SIGLEC1: variants seen among roughly 807,000 people sequenced by gnomAD.
SIGLEC1 encodes the protein sialic acid binding Ig like lectin 1.
SIGLEC1 carries 132 observed loss-of-function variants against 148.0 expected under a neutral mutation model. That is an observed-to-expected ratio of 0.89 (90% CI 0.77 to 1.03). The LOEUF (loss-of-function observed/expected upper bound fraction) is 1.03, where lower values mean the gene tolerates loss of function less well. Among genes scored for constraint, SIGLEC1 ranks in the 50% least tolerant of loss-of-function variants. The pLI, the probability that SIGLEC1 is intolerant of heterozygous loss-of-function variation, is 0.00. For synonymous variants in SIGLEC1, 945 were observed against 969.0 expected (o/e 0.98, Z 0.46); for missense variants, 2,253 against 2,271.4 (o/e 0.99, Z 0.16).
chr20:3,694,661 A>T lies in SIGLEC1; in HGVS notation c.2944+2T>A, dbSNP rs774878444. The stretch of plus-strand genomic sequence containing the variant: ...ACACCTGGATGGGACAAAAGTCCTT[A>T]CAGGACACGTGGAGGCTGATGGGTG... On this transcript the variant is annotated splice_donor_variant, in intron 12 of 21. Coordinates refer to ENST00000344754, the MANE Select transcript of SIGLEC1 (RefSeq NM_023068.4). LOFTEE classifies it high-confidence loss of function. 11 of 1,610,090 alleles carry T rather than the reference A, an allele frequency of 6.8e-6. No homozygotes were observed. Among genetic ancestry groups the T allele is most frequent in the Non-Finnish European group, 8.5e-6 (10 of 1,177,556 alleles).
chr20:3,697,730 T>C lies in SIGLEC1; in HGVS notation c.2122+68A>G. 9 of 1,465,210 alleles carry C rather than the reference T, an allele frequency of 6.1e-6. No individual in the cohort carries two copies. The East Asian group carries it at 1.8e-4, about 30-fold the overall frequency. 90.8% of individuals were successfully genotyped at this position (1,465,210 alleles called of 1,614,324 possible). A position where few individuals can be genotyped will look rare whatever the true frequency, so the allele number is the denominator to read the frequency against. On this transcript the variant is annotated intron_variant, in intron 9 of 21. Transcript: ENST00000344754. ...AGAGTGGTTTTGCCTGATTAGATCC[T>C]CCTCGGAGCAGAACAGTCCAGAGCT...
At chr20:3,699,149 TG>T in intron 8 of SIGLEC1, 52 bp downstream of exon 8, 1 of 1,583,074 alleles carries the variant, frequency 6.3e-7, no homozygotes, top group Non-Finnish European at 8.6e-7. Context: ...CTAGAGGAGG[TG>T]GGGTGGCTGG....
chr20:3,697,716 G>T, intron 9 of SIGLEC1, 82 bp downstream of exon 9: 1 of 1,342,408 alleles, frequency 7.4e-7, no homozygotes, highest in Non-Finnish European at 1.0e-6. Flanking sequence ...GAGTGGTTTT[G>T]CCTGATTAGA....
chr20:3,703,704 C>A, intron 5 of SIGLEC1, 121 bp downstream of exon 5: 1 of 1,343,606 alleles, frequency 7.4e-7, no homozygotes, highest in Non-Finnish European at 1.0e-6. Flanking sequence ...TCCACACCTG[C>A]ATCCAGGAAG....
In SIGLEC1 at chr20:3,699,313, T is replaced by A. The variant is rs2087830594; in HGVS notation, c.1675A>T (p.Ser559Cys). Reference sequence around the variant, plus strand: ...CTGGAGGCCGCGGGGAGCAGGAGGCTGCTGCCGGGACCCTCGTGAAGCAGG... The same window carrying A: ...CTGGAGGCCGCGGGGAGCAGGAGGCAGCTGCCGGGACCCTCGTGAAGCAGG... ...GALLHEGPGS[S>C]LLLPAASSTD... Residue 559 changes from serine (S) to cysteine (C), a missense_variant, in exon 8 of 22, where the codon AGC becomes TGC. Coordinates refer to ENST00000344754, the MANE Select transcript of SIGLEC1 (RefSeq NM_023068.4). The A allele has an allele frequency of 5.0e-6, 8 of 1,608,870 alleles. No individual in the cohort carries two copies. Among genetic ancestry groups the A allele is most frequent in the Non-Finnish European group, 6.8e-6 (8 of 1,178,482 alleles).
At chr20:3,691,660 T>G in intron 17 of SIGLEC1, 60 bp from the exon 18 acceptor site, 1 of 1,575,036 alleles carries the variant, frequency 6.3e-7, no homozygotes, top group African/African-American at 1.3e-5. Flanking sequence ...CTGGAGCCTC[T>G]GGGTGGGACC....
In SIGLEC1 at chr20:3,692,182, G is replaced by T; in HGVS notation, c.4051C>A (p.Leu1351Met). ...QVLYAPQDAV[L>M]SSFRDSRARS... is the part of the protein sequence containing the mutation. ...GCCCTGGAGTCCCGGAAGGAGGACA[G>T]GACAGCGTCCTGAGGGGCATCTGTG... Residue 1351 changes from leucine to methionine, a missense_variant, in exon 17 of 22, where the codon CTG becomes ATG. Coordinates refer to ENST00000344754, the MANE Select transcript of SIGLEC1 (RefSeq NM_023068.4). 6.4e-7 allele frequency: 1 copy of T among 1,566,574 alleles called. No individual in the cohort carries two copies.
chr20:3,700,596 G>GAA (rs1316974957), intron 7 of SIGLEC1, among the ~76,000 whole-genome samples: 1 of 151,718 alleles, frequency 6.6e-6, no homozygotes, highest in Admixed American at 6.6e-5. Flanking sequence ...AAAACAAAAA[G>GAA]AAAAACCTGG....
chr20:3,699,626 G>A (rs1316926846), intron 7 of SIGLEC1, among the ~76,000 whole-genome samples, 167 bp from the exon 8 acceptor site: 1 of 152,126 alleles, frequency 6.6e-6, no homozygotes, highest in Non-Finnish European at 1.5e-5. Flanking sequence ...AGATCTATTG[G>A]TAGTAGATGG....
chr20:3,705,996 C>G lies in SIGLEC1; in HGVS notation c.454G>C (p.Glu152Gln), dbSNP rs144297916. 2 of 1,613,840 alleles carry G rather than the reference C, an allele frequency of 1.2e-6. No individual in the cohort carries two copies. The highest frequency in any genetic ancestry group is 1.3e-5 in the African/African-American group (1 of 75,056). ...PTIASPVELL[E>Q]GTEVDFNCST... ...CAGTTGAAGTCCACCTCTGTGCCCT[C>G]GAGAAGCTCCACCGGGGAGGCAATG... The change falls in exon 4 of 22, where the codon GAG becomes CAG. Residue 152 changes from glutamate (E) to glutamine (Q), a missense_variant. Transcript: ENST00000344754.
Position 3,697,088 on chromosome 20 carries a change from G to A in SIGLEC1, c.2377C>T (p.Leu793Phe). The part of the protein sequence containing the change: ...QLSTPVLLSV[L>F]YPPDRPKLSA... ...GCTGCCCATGCCAGTCACCCACAGA[G>A]TACACTCAGGAGCACGGGAGTGGAG... The change falls in exon 10 of 22, where the codon CTC becomes TTC. Residue 793 changes from leucine to phenylalanine, a missense_variant. Leu to Phe is a conservative substitution (Grantham distance 22). Coordinates refer to ENST00000344754, the MANE Select transcript of SIGLEC1 (RefSeq NM_023068.4). 24 of 1,610,328 alleles carry A rather than the reference G, an allele frequency of 1.5e-5. No homozygotes were observed. Among genetic ancestry groups the A allele is most frequent in the Non-Finnish European group, 2.0e-5 (24 of 1,179,924 alleles).
At position 3,687,307 on chromosome 20, in the gene SIGLEC1, T is replaced by G. The variant is rs1038870597; in HGVS notation, c.*1253A>C. The G allele has an allele frequency of 4.6e-5, 7 of 152,178 alleles. No individual in the cohort carries two copies. Among genetic ancestry groups the G allele is most frequent in the African/African-American group, 1.7e-4 (7 of 41,420 alleles). 9.4% of individuals were successfully genotyped at this position (152,178 alleles called of 1,614,324 possible). A position where few individuals can be genotyped will look rare whatever the true frequency, so the allele number is the denominator to read the frequency against. On this transcript the variant is annotated 3_prime_UTR_variant, in exon 22 of 22. Coordinates refer to ENST00000344754, the MANE Select transcript of SIGLEC1 (RefSeq NM_023068.4). ...ACGTCATTCCTTCTTGGTAACTCATTCTCTTTAACAGCCCGACACAGGGTC... is the reference window on the plus strand; with the variant it reads ...ACGTCATTCCTTCTTGGTAACTCATGCTCTTTAACAGCCCGACACAGGGTC...
Position 3,689,694 on chromosome 20 carries a change from G to A in SIGLEC1, c.4903C>T (p.Arg1635Cys), listed in dbSNP as rs199664967. ...STYFGVRALHRLHQFQQLLWV... is the reference protein window; with the variant it reads ...STYFGVRALHCLHQFQQLLWV... ...AGCAGCTGCTGGAACTGATGCAGGC[G>A]GTGCAGGGCTGGAACACAGAGCGGG... The change falls in exon 20 of 22, where the codon CGC becomes TGC. Residue 1635 changes from arginine (R) to cysteine (C), a missense_variant. Physicochemically the swap from Arg to Cys is radical, Grantham distance 180. Coordinates refer to ENST00000344754, the MANE Select transcript of SIGLEC1 (RefSeq NM_023068.4). 8.0e-5 allele frequency: 126 copies of A among 1,575,944 alleles called. No individual in the cohort carries two copies. Among genetic ancestry groups the A allele is most frequent in the East Asian group, 3.0e-4 (13 of 43,278 alleles).
rs746399286 is a variant in SIGLEC1 at position 3,693,686 on chromosome 20, T to C, written c.3269A>G (p.Gln1090Arg). The change falls in exon 14 of 22, where the codon CAG (glutamine) becomes CGG (arginine). Residue 1090 changes from glutamine to arginine, a missense_variant. By Grantham distance (43) the Gln-to-Arg change is conservative (BLOSUM62 1). Coordinates refer to ENST00000344754, the MANE Select transcript of SIGLEC1 (RefSeq NM_023068.4). The part of the protein sequence containing the change: ...ADFDAQAVNV[Q>R]VWPGATVREG... ...CCGCACGGTAGCCCCGGGCCACACC[T>C]GCACATTCACAGCTGGGGAGAGGGA... 1 of 1,586,298 alleles carries C rather than the reference T, an allele frequency of 6.3e-7. No individual in the cohort carries two copies. Among genetic ancestry groups the C allele is most frequent in the East Asian group, 2.2e-5 (1 of 44,492 alleles).
chr20:3,697,844 G>T lies in SIGLEC1; in HGVS notation c.2076C>A (p.Ser692Arg). 1 of 1,613,064 alleles carries T rather than the reference G, an allele frequency of 6.2e-7. No individual in the cohort carries two copies. The highest frequency in any genetic ancestry group is 1.3e-5 in the African/African-American group (1 of 75,034). The change falls in exon 9 of 22, where the codon AGC (serine) becomes AGA (arginine). Residue 692 changes from serine (S) to arginine (R), a missense_variant. Ser to Arg is a moderately radical substitution (Grantham distance 110). Transcript: ENST00000344754. ...EEEGLYLCEA[S>R]NALGNASTSA... ...AGGTGGAGGCGTTGCCCAGGGCATT[G>T]CTGGCCTCACAGAGGTACAAGCCCT... is the stretch of plus-strand genomic sequence containing the variant.
chr20:3,705,708 C>T (rs374131895), intron 4 of SIGLEC1, 36 bp downstream of exon 4: 411 of 1,563,296 alleles, frequency 2.6e-4, no homozygotes, highest in African/African-American at 1.1e-3. Context: ...GCAACAGATG[C>T]GCTCAGCCAC....
At chr20:3,691,882 C>T (rs1261327907) in intron 17 of SIGLEC1, 21 bp downstream of exon 17, 2 of 1,552,074 alleles carry the variant, frequency 1.3e-6, no homozygotes, top group South Asian at 2.5e-5. Flanking sequence ...AGCCCCTCCT[C>T]CTCCCCTCTC....
chr20:3,706,712 G>A lies in SIGLEC1; in HGVS notation c.50-6C>T, dbSNP rs1445784769. 6.5e-7 allele frequency: 1 copy of A among 1,533,572 alleles called. No individual in the cohort carries two copies. Among genetic ancestry groups the A allele is most frequent in the South Asian group, 1.2e-5 (1 of 83,284 alleles). 95.0% of individuals were successfully genotyped at this position (1,533,572 alleles called of 1,614,324 possible). On this transcript the variant is annotated splice_region_variant and splice_polypyrimidine_tract_variant and intron_variant, in intron 2 of 21. Transcript: ENST00000344754. ...GACGCCCCATGAGGCCTGGCCTGGG[G>A]GAAGAACGGCAGGGGGACAGAGGGG...
At chr20:3,689,080 CAG>C in intron 21 of SIGLEC1, 73 bp downstream of exon 21, 1 of 1,271,412 alleles carries the variant, frequency 7.9e-7, no homozygotes, top group South Asian at 1.2e-5. Flanking sequence ...CTCTAAATGA[CAG>C]CAGTCTCCAG....
Sources: allele counts gnomAD v4.1 joint callset (sites outside exome capture counted in the v4.1 genomes callset), GRCh38; gene constraint gnomAD v4.1.1; transcripts MANE v1.5; gene names NCBI Gene and HGNC (gene_info 2026-07-23, HGNC 2026-07-21).